NCKAP5: variants seen among roughly 807,000 people sequenced by gnomAD.
The protein encoded by NCKAP5 is NCK associated protein 5, also known as nck-associated protein 5.
NCKAP5 carries 92 observed loss-of-function variants against 167.0 expected under a neutral mutation model. The ratio of observed to expected loss-of-function variants is 0.55; its 90% CI spans 0.47 to 0.66. NCKAP5 has a LOEUF of 0.66. Ranked by LOEUF, NCKAP5 falls within the 30% of genes least tolerant of loss-of-function variation. The pLI is 0.00. For synonymous variants in NCKAP5, 891 were observed against 877.4 expected, an observed-to-expected ratio of 1.02 and a Z score of -0.27; for missense variants, 2,378 against 2,315.0, an observed-to-expected ratio of 1.03 and a Z score of -0.56.
chr2:132,774,584 C>T (rs1682385843), intron 15 of NCKAP5, among the ~76,000 whole-genome samples: 1 of 152,046 alleles, frequency 6.6e-6, no homozygotes, highest in African/African-American at 2.4e-5. Flanking sequence ...TAATGAAGTT[C>T]CAGTATTTTA....
intron 3 of NCKAP5, among the ~76,000 whole-genome samples, chr2:133,325,138 C>G (rs1393202364): frequency 1.3e-5 from 2 of 152,166 alleles, no homozygotes; most frequent in Non-Finnish European, 2.9e-5. Flanking sequence ...CCATCACTGC[C>G]GTATTCAATC....
chr2:133,405,524 G>T (rs940263758), intron 3 of NCKAP5, among the ~76,000 whole-genome samples: 3 of 152,216 alleles, frequency 2.0e-5, no homozygotes, highest in Admixed American at 6.5e-5. Flanking sequence ...GCGGGGCATT[G>T]TCTTGTTCAA....
intron 19 of NCKAP5, among the ~76,000 whole-genome samples, chr2:132,698,342 A>G (rs558696144): frequency 6.6e-6 from 1 of 152,320 alleles, no homozygotes; most frequent in South Asian, 2.1e-4. Context: ...AGTCTTCAAA[A>G]TTATTCTTTA....
At chr2:133,490,230 T>G (rs1330821747) in intron 3 of NCKAP5, among the ~76,000 whole-genome samples, 3 of 152,142 alleles carry the variant, frequency 2.0e-5, no homozygotes, top group Non-Finnish European at 4.4e-5. Context: ...CAACCCTCAC[T>G]CTCATTTCCT....
intron 16 of NCKAP5, among the ~76,000 whole-genome samples, chr2:132,737,819 C>G (rs1469353361): frequency 6.6e-6 from 1 of 152,208 alleles, no homozygotes; most frequent in Admixed American, 6.5e-5. Flanking sequence ...AGACTGTAAG[C>G]ATCGTGCAGG....
chr2:133,274,217 C>G (rs927922167), intron 4 of NCKAP5, among the ~76,000 whole-genome samples: 3 of 151,072 alleles, frequency 2.0e-5, no homozygotes, highest in Admixed American at 6.6e-5. Flanking sequence ...AACAATATAC[C>G]AAAATGGATA....
chr2:133,171,666 C>T (rs189616420), intron 5 of NCKAP5, among the ~76,000 whole-genome samples: 1 of 152,294 alleles, frequency 6.6e-6, no homozygotes, highest in East Asian at 1.9e-4. Context: ...TTAGCTTCTT[C>T]CTCTCCCAGC....
At chr2:133,016,279 T>C (rs1223005238) in intron 6 of NCKAP5, among the ~76,000 whole-genome samples, 2 of 152,182 alleles carry the variant, frequency 1.3e-5, no homozygotes, top group African/African-American at 2.4e-5. Flanking sequence ...TGAGAGCACA[T>C]GAAGTCTGAC....
intron 3 of NCKAP5, among the ~76,000 whole-genome samples, chr2:133,372,159 A>G (rs924510680): frequency 6.6e-6 from 1 of 152,194 alleles, no homozygotes; most frequent in African/African-American, 2.4e-5. Context: ...AGAGTCATAC[A>G]TGGAGAGCTC....
At chr2:132,949,003 T>TTAAAAGAAAAGAAAAGAAAAGAAAA (rs1553487801) in intron 8 of NCKAP5, among the ~76,000 whole-genome samples, 1,525 of 130,312 alleles carry the variant, frequency 0.012, 56 homozygotes, top group African/African-American at 0.037. Flanking sequence ...TCCAGAGAAA[T>TTAAAAGAAAAGAAAAGAAAAGAAAA]GAAAAGAAAA....
intron 15 of NCKAP5, 131 bp from the exon 16 acceptor site, chr2:132,774,025 T>C: frequency 3.0e-6 from 2 of 670,008 alleles, no homozygotes; most frequent in Non-Finnish European, 5.1e-6. Flanking sequence ...TGTATATACA[T>C]GTGTGAGTAT....
At chr2:133,211,354 C>T (rs935997578) in intron 5 of NCKAP5, among the ~76,000 whole-genome samples, 1 of 152,066 alleles carries the variant, frequency 6.6e-6, no homozygotes, top group African/African-American at 2.4e-5. Context: ...CCTCAGCCTC[C>T]CAAGTAGATG....
chr2:133,013,831 C>T (rs1254116759), intron 6 of NCKAP5, among the ~76,000 whole-genome samples: 1 of 152,148 alleles, frequency 6.6e-6, no homozygotes, highest in African/African-American at 2.4e-5. Context: ...AGTGTCTTCA[C>T]AGGTCTCTAT....
chr2:132,705,463 G>A (rs1272795792), intron 19 of NCKAP5, among the ~76,000 whole-genome samples: 1 of 152,012 alleles, frequency 6.6e-6, no homozygotes, highest in African/African-American at 2.4e-5. Flanking sequence ...TACACGAAAG[G>A]TTAATTCTCA....
At chr2:133,217,588 T>C (rs2086486256) in intron 4 of NCKAP5, among the ~76,000 whole-genome samples, 1 of 152,094 alleles carries the variant, frequency 6.6e-6, no homozygotes, top group South Asian at 2.1e-4. Flanking sequence ...ATCCATTCAT[T>C]TTTGCAGGTG....
At chr2:133,394,202 AGTCAGATGCTGTATTAG>A (rs993183444) in intron 3 of NCKAP5, among the ~76,000 whole-genome samples, 1 of 152,248 alleles carries the variant, frequency 6.6e-6, no homozygotes, top group African/African-American at 2.4e-5. Context: ...GACTTTTTAA[AGTCAGATGCTGTATTAG>A]GTGCTAGCGA....
chr2:133,285,948 G>T (rs1483496225), intron 4 of NCKAP5, among the ~76,000 whole-genome samples: 2 of 151,770 alleles, frequency 1.3e-5, no homozygotes, highest in African/African-American at 4.8e-5. Context: ...CTAATAAAAG[G>T]TCAGGAATTA....
chr2:132,702,510 TC>T lies in NCKAP5; in HGVS notation c.5713+23116del, dbSNP rs1343646894. 8.5e-5 allele frequency among the ~76,000 whole-genome samples: 13 copies of T among 152,126 alleles called. No individual in the cohort carries two copies. In the East Asian group the frequency reaches 2.5e-3, roughly 29 times the overall value. On this transcript the variant is annotated intron_variant, in intron 19 of 19. Transcript: ENST00000409261. ...TGTCTCTGGACTTGGAGACTGGAGT[TC>T]CCAACATTGAGGGACTTATTGTATG...
At chr2:132,940,929 T>TA (rs1697250403) in intron 8 of NCKAP5, among the ~76,000 whole-genome samples, 1 of 152,036 alleles carries the variant, frequency 6.6e-6, no homozygotes, top group Non-Finnish European at 1.5e-5. Flanking sequence ...TACATATATT[T>TA]ATAATTAAAA....
Sources: allele counts gnomAD v4.1 joint callset (sites outside exome capture counted in the v4.1 genomes callset), GRCh38; gene constraint gnomAD v4.1.1; transcripts MANE v1.5; gene names NCBI Gene and HGNC (gene_info 2026-07-23, HGNC 2026-07-21).